The following FNDC1 variants were observed in gnomAD, a reference collection of about 807,000 sequenced individuals.
FNDC1 encodes the protein fibronectin type III domain-containing protein 1.
In FNDC1, 96 loss-of-function variants were observed where a neutral mutation model predicts 168.0. The observed-to-expected ratio is 0.57, with a 90% CI of 0.48 to 0.68. The LOEUF (loss-of-function observed/expected upper bound fraction) is 0.68. FNDC1 is among the 30% of genes least tolerant of loss of function. FNDC1 has a pLI of 0.00. For synonymous variants in FNDC1, 1,099 were observed against 1,025.9 expected (o/e 1.07, Z -1.36); for missense variants, 2,587 against 2,482.1 (o/e 1.04, Z -0.90).
intron 14 of FNDC1, among the ~76,000 whole-genome samples, chr6:159,245,691 A>G (rs1303819702): frequency 6.6e-6 from 1 of 152,198 alleles, no homozygotes; most frequent in Non-Finnish European, 1.5e-5. Context: ...ACCTTTCTTA[A>G]ATCACTCATA....
rs1374253203 is a variant in FNDC1, at chr6:159,233,156, G to C, written c.2644G>C (p.Glu882Gln). Residue 882 changes from glutamate (E) to glutamine (Q), a missense_variant, in exon 11 of 23, where the codon GAG becomes CAG. Glu to Gln is a conservative substitution (Grantham distance 29). Coordinates refer to ENST00000297267, the MANE Select transcript of FNDC1 (RefSeq NM_032532.3). The surrounding 1 kb of genome is among the most constrained non-coding windows in gnomAD (Gnocchi z 4.6). ...SSGIHGDEEDEKPLPATVVND... is the reference protein window; with the variant it reads ...SSGIHGDEEDQKPLPATVVND... ...AGGTATCCATGGAGACGAGGAGGAT[G>C]AGAAGCCGCTTCCTGCCACCGTTGT... is the stretch of plus-strand genomic sequence containing the variant. 1 of 1,607,234 alleles carries C rather than the reference G, an allele frequency of 6.2e-7. No individual in the cohort carries two copies. Among genetic ancestry groups the C allele is most frequent in the Non-Finnish European group, 8.5e-7 (1 of 1,177,122 alleles).
intron 1 of FNDC1, among the ~76,000 whole-genome samples, chr6:159,179,707 C>T (rs945641279): frequency 5.3e-5 from 8 of 152,276 alleles, no homozygotes; most frequent in African/African-American, 1.4e-4. Flanking sequence ...GTAAGCTCCA[C>T]GAGGGCAGGA....
intron 22 of FNDC1, among the ~76,000 whole-genome samples, chr6:159,270,400 A>G (rs1354638845): frequency 2.0e-5 from 3 of 152,244 alleles, no homozygotes; most frequent in Non-Finnish European, 4.4e-5. Flanking sequence ...TAACTATTAC[A>G]ACAAATCTAC....
intron 1 of FNDC1, among the ~76,000 whole-genome samples, chr6:159,187,188 G>A (rs939515179): frequency 3.9e-5 from 6 of 152,312 alleles, no homozygotes; most frequent in Non-Finnish European, 5.9e-5. Context: ...GCGCTTTGGG[G>A]CCTGGAGTAG....
intron 1 of FNDC1, among the ~76,000 whole-genome samples, chr6:159,185,071 G>GT (rs951296614): frequency 1.6e-4 from 18 of 109,656 alleles, no homozygotes; most frequent in Non-Finnish European, 2.8e-4. Context: ...GGAGGGTGGG[G>GT]GGGGGGGAAT....
At position 159,239,033 on chromosome 6, in the gene FNDC1, G is replaced by A. The variant is rs9457573; in HGVS notation, c.4180+368G>A. On this transcript the variant is annotated intron_variant, in intron 13 of 22. Coordinates refer to ENST00000297267, the MANE Select transcript of FNDC1 (RefSeq NM_032532.3). ...ATTGCCAGAAAAAAGAATATTTTGT[G>A]GCATGGTAATTACGTGAAATGCACA... 2.0e-3 allele frequency among the ~76,000 whole-genome samples: 307 copies of A among 152,202 alleles called. 1 individual carries two copies. The highest frequency in any genetic ancestry group is 7.1e-3 in the African/African-American group (294 of 41,532).
At chr6:159,260,557 C>G (rs1268628148) in intron 18 of FNDC1, among the ~76,000 whole-genome samples, 1 of 152,128 alleles carries the variant, frequency 6.6e-6, no homozygotes, top group Non-Finnish European at 1.5e-5. Context: ...TTAAGGTGGT[C>G]CCTTCCCAGC....
At chr6:159,269,718 G>T (rs1421715789) in intron 22 of FNDC1, among the ~76,000 whole-genome samples, 1 of 152,172 alleles carries the variant, frequency 6.6e-6, no homozygotes, top group Non-Finnish European at 1.5e-5. Context: ...AGGGTAGGTT[G>T]TCAGGTTGGA....
At chr6:159,268,526 C>T (rs1387689999) in intron 22 of FNDC1, among the ~76,000 whole-genome samples, 1 of 152,180 alleles carries the variant, frequency 6.6e-6, no homozygotes, top group Admixed American at 6.5e-5. Flanking sequence ...AAGGTTCTCT[C>T]ATCCAAAGAA....
chr6:159,232,543 G>T lies in FNDC1; in HGVS notation c.2031G>T (p.Pro677=). Residue 677 remains proline, a synonymous_variant, in exon 11 of 23, where the codon CCG becomes CCT. Coordinates refer to ENST00000297267, the MANE Select transcript of FNDC1 (RefSeq NM_032532.3). This position sits in a 1 kb window ranked among gnomAD's most constrained non-coding sequence, Gnocchi z 4.9. ...RPALSPSRQS[P]SSVLRDRSSV... Reference sequence around the variant, plus strand: ...CCCTGTCCCCCAGCCGCCAGTCCCCGTCCAGCGTTCTCCGCGACAGAAGCT... The same window carrying T: ...CCCTGTCCCCCAGCCGCCAGTCCCCTTCCAGCGTTCTCCGCGACAGAAGCT... 1.2e-6 allele frequency: 2 copies of T among 1,612,256 alleles called. No individual in the cohort carries two copies. Among genetic ancestry groups the T allele is most frequent in the Non-Finnish European group, 1.7e-6 (2 of 1,179,300 alleles).
chr6:159,214,542 G>T (rs1782671148), intron 4 of FNDC1, among the ~76,000 whole-genome samples: 1 of 152,162 alleles, frequency 6.6e-6, no homozygotes, highest in Non-Finnish European at 1.5e-5. Context: ...AAGCTTTCTG[G>T]AGGAGAGTTA....
At chr6:159,245,555 C>A (rs1259954336) in intron 14 of FNDC1, among the ~76,000 whole-genome samples, 1 of 152,254 alleles carries the variant, frequency 6.6e-6, no homozygotes, top group East Asian at 1.9e-4. Flanking sequence ...CTCCTTTTTA[C>A]AGCTACATCT....
At chr6:159,200,800 C>T (rs530659293) in intron 4 of FNDC1, among the ~76,000 whole-genome samples, 26 of 152,322 alleles carry the variant, frequency 1.7e-4, no homozygotes, top group African/African-American at 4.6e-4. Flanking sequence ...CATGTTCTCG[C>T]GTGGGGAAGT....
chr6:159,261,122 G>A, intron 18 of FNDC1, 68 bp from the exon 19 acceptor site: 1 of 1,222,916 alleles, frequency 8.2e-7, no homozygotes, highest in South Asian at 1.2e-5. Flanking sequence ...CAGTAGTTTG[G>A]GAGTCTGTTT....
intron 18 of FNDC1, among the ~76,000 whole-genome samples, chr6:159,257,218 A>T (rs1011825029): frequency 6.6e-5 from 10 of 152,168 alleles, no homozygotes; most frequent in Non-Finnish European, 1.5e-4. Context: ...TTCCCCTTGT[A>T]TGCCATCTGG....
In FNDC1 at chr6:159,220,711, A is replaced by T. The variant is rs552676572; in HGVS notation, c.668-887A>T. 1.8e-4 allele frequency among the ~76,000 whole-genome samples: 28 copies of T among 152,338 alleles called. No individual in the cohort carries two copies. The East Asian group carries it at 3.9e-3, about 21-fold the overall frequency. ...CATTGCATTTTTTTCTTCAAGTGCAATGGCCCCTGGTATACACTGGATTGG... is the reference window on the plus strand; with the variant it reads ...CATTGCATTTTTTTCTTCAAGTGCATTGGCCCCTGGTATACACTGGATTGG... On this transcript the variant is annotated intron_variant, in intron 5 of 22. Transcript: ENST00000297267.
At chr6:159,187,946 A>G (rs921472632) in intron 1 of FNDC1, among the ~76,000 whole-genome samples, 2 of 152,116 alleles carry the variant, frequency 1.3e-5, no homozygotes, top group Non-Finnish European at 2.9e-5. Flanking sequence ...CCTCCAAGCT[A>G]TACTGCTATT....
intron 14 of FNDC1, among the ~76,000 whole-genome samples, chr6:159,244,729 G>A (rs1246920775): frequency 6.6e-6 from 1 of 152,110 alleles, no homozygotes; most frequent in Non-Finnish European, 1.5e-5. Context: ...TAAGAAGTGG[G>A]GGCAGTTTTA....
At chr6:159,242,447 T>C (rs1783444651) in intron 14 of FNDC1, among the ~76,000 whole-genome samples, 1 of 152,168 alleles carries the variant, frequency 6.6e-6, no homozygotes, top group Non-Finnish European at 1.5e-5. Flanking sequence ...TGTTTACCTG[T>C]GTAACAAACC....
Sources: allele counts gnomAD v4.1 joint callset (sites outside exome capture counted in the v4.1 genomes callset), GRCh38; gene constraint gnomAD v4.1.1; non-coding constraint Gnocchi (gnomAD v3.1); transcripts MANE v1.5; gene names NCBI Gene and HGNC (gene_info 2026-07-23, HGNC 2026-07-21).